Variants in TBC1D22A observed in about 807,000 individuals in gnomAD.
The protein encoded by TBC1D22A is TBC1 domain family member 22A.
In TBC1D22A, 38 loss-of-function variants were observed where a neutral mutation model predicts 60.2. The ratio of observed to expected loss-of-function variants is 0.63; its 90% confidence interval spans 0.49 to 0.83. The LOEUF is 0.83. Among genes scored for constraint, TBC1D22A ranks in the 40% least tolerant of loss-of-function variants. TBC1D22A has a pLI of 0.00. For synonymous variants in TBC1D22A, 302 were observed against 281.7 expected, an observed-to-expected ratio of 1.07 and a Z score of -0.72; for missense variants, 628 against 701.0, an observed-to-expected ratio of 0.90 and a Z score of 1.18.
At chr22:46,879,042 G>T (rs577684113) in intron 5 of TBC1D22A, among the ~76,000 whole-genome samples, 1 of 151,946 alleles carries the variant, frequency 6.6e-6, no homozygotes, top group Non-Finnish European at 1.5e-5. Flanking sequence ...TTTCAACTCC[G>T]AGGAGTTGAA....
chr22:47,031,936 G>A (rs572796468), intron 10 of TBC1D22A, among the ~76,000 whole-genome samples: 3 of 152,336 alleles, frequency 2.0e-5, no homozygotes, highest in Non-Finnish European at 2.9e-5. Context: ...GGGGCAGGAA[G>A]GGTTAATTTG....
At chr22:47,068,145 A>T (rs2063842037) in intron 11 of TBC1D22A, among the ~76,000 whole-genome samples, 1 of 152,226 alleles carries the variant, frequency 6.6e-6, no homozygotes, top group African/African-American at 2.4e-5. Flanking sequence ...TTCTTTGGCA[A>T]ACCAGCAGCA....
intron 12 of TBC1D22A, among the ~76,000 whole-genome samples, chr22:47,126,004 CAG>C (rs1398899671): frequency 1.3e-5 from 2 of 151,982 alleles, no homozygotes; most frequent in Non-Finnish European, 2.9e-5. Flanking sequence ...TTTTTTGAGA[CAG>C]AGTCTCGCTC....
intron 8 of TBC1D22A, among the ~76,000 whole-genome samples, chr22:46,921,380 A>G (rs2070749134): frequency 1.3e-5 from 2 of 151,930 alleles, no homozygotes; most frequent in African/African-American, 2.4e-5. Context: ...TAGGATAATG[A>G]CCTCCATCTC....
chr22:46,792,971 G>T (rs2084485038), intron 2 of TBC1D22A, among the ~76,000 whole-genome samples: 1 of 152,292 alleles, frequency 6.6e-6, no homozygotes, highest in South Asian at 2.1e-4. Context: ...GCAGGCGGGA[G>T]CGCAGAGTGT....
At chr22:47,026,860 C>T (rs1409945507) in intron 10 of TBC1D22A, among the ~76,000 whole-genome samples, 1 of 152,196 alleles carries the variant, frequency 6.6e-6, no homozygotes, top group Non-Finnish European at 1.5e-5. Context: ...ATCCCACATG[C>T]TTTTCTATAG....
At chr22:47,027,954 G>A (rs910963175) in intron 10 of TBC1D22A, among the ~76,000 whole-genome samples, 10 of 151,674 alleles carry the variant, frequency 6.6e-5, no homozygotes, top group African/African-American at 2.4e-4. Context: ...GCACAGTCAG[G>A]GCCCCTGGAG....
intron 1 of TBC1D22A, among the ~76,000 whole-genome samples, chr22:46,767,047 A>G (rs1482727128): frequency 6.6e-6 from 1 of 152,148 alleles, no homozygotes; most frequent in African/African-American, 2.4e-5. Flanking sequence ...ATTAGCCTGG[A>G]GAGTGAGTGG....
In TBC1D22A at chr22:46,777,424, G is replaced by T. The variant is rs1350255200; in HGVS notation, c.62+14576G>T. Among the ~76,000 whole-genome samples the T allele has an allele frequency of 6.6e-6, 1 of 152,098 alleles. No homozygotes were observed. Among genetic ancestry groups the T allele is most frequent in the African/African-American group, 2.4e-5 (1 of 41,404 alleles). ...GCCGGTGGGGCACAGCTGATTTTTT[G>T]GGGGAACCCGTTGACGTGAGGTGGT... On this transcript the variant is annotated intron_variant, in intron 1 of 12. Coordinates refer to ENST00000337137, the MANE Select transcript of TBC1D22A (RefSeq NM_014346.5). The surrounding 1 kb of genome is among the most constrained non-coding windows in gnomAD (Gnocchi z 4.5).
chr22:47,054,543 C>A (rs1790260948), intron 11 of TBC1D22A, among the ~76,000 whole-genome samples: 1 of 152,234 alleles, frequency 6.6e-6, no homozygotes. Context: ...CCATGTCCAT[C>A]TGCTGGTGCG....
intron 4 of TBC1D22A, among the ~76,000 whole-genome samples, chr22:46,874,255 G>A (rs147452716): frequency 5.9e-5 from 9 of 152,274 alleles, no homozygotes; most frequent in African/African-American, 1.9e-4. Context: ...AGGTGCGCAT[G>A]TGTCTTTGTA....
At chr22:47,167,691 G>T (rs568274979) in intron 12 of TBC1D22A, among the ~76,000 whole-genome samples, 1 of 152,326 alleles carries the variant, frequency 6.6e-6, no homozygotes, top group African/African-American at 2.4e-5. Context: ...GTAAGTCCAG[G>T]GTTTTTATGG....
chr22:47,170,500 A>G (rs1232011608), intron 12 of TBC1D22A, among the ~76,000 whole-genome samples: 3 of 152,222 alleles, frequency 2.0e-5, no homozygotes, highest in Non-Finnish European at 4.4e-5. Context: ...CGCTCCCTGA[A>G]TTCAATTTAA....
intron 8 of TBC1D22A, among the ~76,000 whole-genome samples, chr22:46,941,934 TACACACACAC>T (rs368425901): frequency 3.8e-4 from 53 of 138,504 alleles, no homozygotes; most frequent in African/African-American, 8.5e-4. Context: ...TATGTATGTA[TACACACACAC>T]ACACACACAC....
intron 12 of TBC1D22A, among the ~76,000 whole-genome samples, chr22:47,156,578 G>A (rs191499097): frequency 2.0e-5 from 3 of 152,248 alleles, no homozygotes; most frequent in Admixed American, 6.5e-5. Context: ...TCACAGAGGC[G>A]ACCAGAAGAG....
intron 2 of TBC1D22A, 149 bp from the exon 3 acceptor site, chr22:46,793,352 T>C (rs1280677048): frequency 2.6e-6 from 2 of 780,556 alleles, no homozygotes; most frequent in Non-Finnish European, 4.1e-6. Context: ...TTTGGCTGTC[T>C]CTGTGAATTG....
chr22:47,155,884 T>TTGAGTGTGATCAC (rs2067695948), intron 12 of TBC1D22A, among the ~76,000 whole-genome samples: 1 of 152,106 alleles, frequency 6.6e-6, no homozygotes, highest in South Asian at 2.1e-4. Flanking sequence ...TAAAAGGGCA[T>TTGAGTGTGATCAC]TGAGTGTGAT....
chr22:46,866,182 G>A (rs554162419), intron 4 of TBC1D22A, among the ~76,000 whole-genome samples: 2 of 152,240 alleles, frequency 1.3e-5, no homozygotes, highest in East Asian at 1.9e-4. Flanking sequence ...TTGCCTCACC[G>A]CAACCTCCTC....
chr22:47,069,918 CCT>C (rs1379595056), intron 11 of TBC1D22A, among the ~76,000 whole-genome samples: 1 of 145,664 alleles, frequency 6.9e-6, no homozygotes, highest in Non-Finnish European at 1.5e-5. Flanking sequence ...AGCGCTGTCC[CCT>C]GTTGTTTGGT....
Sources: allele counts gnomAD v4.1 joint callset (sites outside exome capture counted in the v4.1 genomes callset), GRCh38; gene constraint gnomAD v4.1.1; non-coding constraint Gnocchi (gnomAD v3.1); transcripts MANE v1.5; gene names NCBI Gene and HGNC (gene_info 2026-07-23, HGNC 2026-07-21).